Variants in PPP1R37 observed in about 807,000 individuals in gnomAD.
The protein encoded by PPP1R37 is protein phosphatase 1 regulatory subunit 37.
In PPP1R37, 21 loss-of-function variants were observed where a neutral mutation model predicts 61.0. The ratio of observed to expected loss-of-function variants is 0.34; its 90% CI spans 0.24 to 0.50. The LOEUF (loss-of-function observed/expected upper bound fraction) is 0.50, where lower values mean the gene tolerates loss of function less well. Among genes scored for constraint, PPP1R37 ranks in the 20% least tolerant of loss-of-function variants. The pLI is 0.98. For missense variants in PPP1R37, 910 were observed against 952.7 expected (o/e 0.96, Z 0.59); for synonymous variants, 443 against 433.5 (o/e 1.02, Z -0.27).
intron 2 of PPP1R37, among the ~76,000 whole-genome samples, chr19:45,138,888 T>C (rs1968571720): frequency 6.7e-6 from 1 of 149,364 alleles, no homozygotes; most frequent in Admixed American, 6.7e-5. Flanking sequence ...GAGTCTGAAT[T>C]ACAAAATTTA....
chr19:45,128,430 C>G, intron 1 of PPP1R37: 1 of 506,820 alleles, frequency 2.0e-6, no homozygotes, highest in Non-Finnish European at 3.5e-6. Flanking sequence ...GTGATGCCTG[C>G]AGCTGTGTGT....
chr19:45,144,824 C>T (rs1968663190), intron 8 of PPP1R37, 30 bp from the exon 9 acceptor site: 20 of 1,507,958 alleles, frequency 1.3e-5, no homozygotes, highest in Admixed American at 6.1e-5. Flanking sequence ...ATCACGGCCT[C>T]CTCCTCACCC....
chr19:45,094,687 C>T (rs983452383), intron 1 of PPP1R37, among the ~76,000 whole-genome samples: 1 of 150,452 alleles, frequency 6.6e-6, no homozygotes, highest in African/African-American at 2.5e-5. Flanking sequence ...AAGATCACGA[C>T]ATTGTACTCC....
In PPP1R37 at chr19:45,144,956, C is replaced by T. The variant is rs1053378272; in HGVS notation, c.1090C>T (p.Leu364=). The T allele has an allele frequency of 6.5e-7, 1 of 1,535,436 alleles. No individual in the cohort carries two copies. Among genetic ancestry groups the T allele is most frequent in the Non-Finnish European group, 8.7e-7 (1 of 1,146,646 alleles). The change falls in exon 9 of 13, where the codon CTG becomes TTG. Residue 364 remains leucine (L), a synonymous_variant. Coordinates refer to ENST00000221462, the MANE Select transcript of PPP1R37 (RefSeq NM_019121.2). ...KNGLISNRSV[L]RLGLASTKLT... The stretch of plus-strand genomic sequence containing the variant: ...CGGGCTCATCAGCAACCGCAGCGTG[C>T]TGCGCCTCGGGCTGGCCTCCACCAA...
chr19:45,111,281 TTA>T (rs1356880337), intron 1 of PPP1R37, among the ~76,000 whole-genome samples: 3 of 151,452 alleles, frequency 2.0e-5, no homozygotes, highest in South Asian at 4.2e-4. Flanking sequence ...ATTATTATTA[TTA>T]TTTTTAATTG....
chr19:45,126,290 G>A (rs952809259), intron 1 of PPP1R37, among the ~76,000 whole-genome samples: 1 of 152,230 alleles, frequency 6.6e-6, no homozygotes, highest in African/African-American at 2.4e-5. Context: ...ATACGGTTCT[G>A]GAGGGCAGGG....
chr19:45,121,786 A>G lies in PPP1R37; in HGVS notation c.203-16728A>G, dbSNP rs1380373353. On this transcript the variant is annotated intron_variant, in intron 1 of 12. Coordinates refer to ENST00000221462, the MANE Select transcript of PPP1R37 (RefSeq NM_019121.2). The surrounding 1 kb of genome is among the most constrained non-coding windows in gnomAD (Gnocchi z 4.2). ...AGAAATCTGGGTTTGACTACATATC[A>G]GGCTGCCCTGGGGCCCCTTTCAGTA... Among the ~76,000 whole-genome samples, 1 of 152,216 alleles carries G rather than the reference A, an allele frequency of 6.6e-6. No homozygotes were observed. The highest frequency in any genetic ancestry group is 1.9e-4 in the East Asian group (1 of 5,194).
chr19:45,128,903 C>T, intron 1 of PPP1R37: 4 of 691,056 alleles, frequency 5.8e-6, no homozygotes, highest in Non-Finnish European at 1.1e-5. Context: ...AGAGGACCTT[C>T]TTCGTCTGCC....
rs1967950412 is a variant in PPP1R37 at position 45,093,510 on chromosome 19, A to G, written c.185A>G (p.Lys62Arg). The stretch of plus-strand genomic sequence containing the variant: ...ATCGTGTCTGGAGCAGTGGAGCCCA[A>G]AGACCCCTGGAGACATGGTAGCTAC... ...EDIVSGAVEPKDPWRHAQNVT... is the reference protein window; with the variant it reads ...EDIVSGAVEPRDPWRHAQNVT... Residue 62 changes from lysine to arginine, a missense_variant, in exon 1 of 13, where the codon AAA (lysine) becomes AGA (arginine). This residue lies in a region of PPP1R37 where 280 missense variants were observed against 382.2 expected (regional missense o/e 0.73). Coordinates refer to ENST00000221462, the MANE Select transcript of PPP1R37 (RefSeq NM_019121.2). 3.3e-6 allele frequency: 5 copies of G among 1,534,910 alleles called. No homozygotes were observed. The highest frequency in any genetic ancestry group is 4.4e-6 in the Non-Finnish European group (5 of 1,146,468).
At position 45,145,013 on chromosome 19, in the gene PPP1R37, G is replaced by C; in HGVS notation, c.1129+18G>C. ...GTGCGAGGGTAGGGTACGGGGCCGG[G>C]CCAGGGTGCGGGCTGGTGGGCTCAG... is the stretch of plus-strand genomic sequence containing the variant. On this transcript the variant is annotated intron_variant, in intron 9 of 12. Coordinates refer to ENST00000221462, the MANE Select transcript of PPP1R37 (RefSeq NM_019121.2). 6.5e-7 allele frequency: 1 copy of C among 1,530,134 alleles called. No homozygotes were observed. Among genetic ancestry groups the C allele is most frequent in the Non-Finnish European group, 8.7e-7 (1 of 1,144,016 alleles). 94.8% of individuals were successfully genotyped at this position (1,530,134 alleles called of 1,614,324 possible). A position where few individuals can be genotyped will look rare whatever the true frequency, so the allele number is the denominator to read the frequency against.
At position 45,112,798 on chromosome 19, in the gene PPP1R37, C is replaced by A. The variant is rs531777531; in HGVS notation, c.202+19271C>A. 7.2e-5 allele frequency among the ~76,000 whole-genome samples: 11 copies of A among 152,268 alleles called. No individual in the cohort carries two copies. In the East Asian group the frequency reaches 7.7e-4, roughly 11 times the overall value. On this transcript the variant is annotated intron_variant, in intron 1 of 12. Coordinates refer to ENST00000221462, the MANE Select transcript of PPP1R37 (RefSeq NM_019121.2). ...GTCTTGGACGCTGTTTCCAGCATGA[C>A]CCTGCCCGGGGCACAGAGCAGGTGC... is the stretch of plus-strand genomic sequence containing the variant.
chr19:45,143,318 G>A (rs1968638349), intron 7 of PPP1R37: 5 of 530,028 alleles, frequency 9.4e-6, no homozygotes, highest in Non-Finnish European at 1.4e-5. Flanking sequence ...GCATCTGGTG[G>A]AGGCTGTCAT....
At chr19:45,106,131 CAG>C (rs368257062) in intron 1 of PPP1R37, among the ~76,000 whole-genome samples, 201 of 152,342 alleles carry the variant, frequency 1.3e-3, no homozygotes, top group African/African-American at 4.5e-3. Flanking sequence ...TTCCTCATCT[CAG>C]GGGTAGAGGG....
chr19:45,110,014 G>A (rs930999522), intron 1 of PPP1R37, among the ~76,000 whole-genome samples: 2 of 152,146 alleles, frequency 1.3e-5, no homozygotes, highest in African/African-American at 4.8e-5. Context: ...GAGATGGGAT[G>A]TCTGGCTTTT....
chr19:45,098,895 T>C (rs1004151187), intron 1 of PPP1R37, among the ~76,000 whole-genome samples: 6 of 152,044 alleles, frequency 3.9e-5, no homozygotes, highest in African/African-American at 9.7e-5. Flanking sequence ...TGGGCCCAGC[T>C]CCACCTCCTG....
At chr19:45,126,522 G>A (rs949575166) in intron 1 of PPP1R37, among the ~76,000 whole-genome samples, 2 of 152,138 alleles carry the variant, frequency 1.3e-5, no homozygotes, top group African/African-American at 2.4e-5. Flanking sequence ...ATTTATTGTC[G>A]TGAACAAGAG....
At position 45,127,365 on chromosome 19, in the gene PPP1R37, A is replaced by C. The variant is rs190706929; in HGVS notation, c.203-11149A>C. 4.4e-3 allele frequency among the ~76,000 whole-genome samples: 674 copies of C among 151,556 alleles called. 29 individuals carry two copies. The highest frequency in any genetic ancestry group is 0.041 in the Admixed American group (615 of 15,144). On this transcript the variant is annotated intron_variant, in intron 1 of 12. Coordinates refer to ENST00000221462, the MANE Select transcript of PPP1R37 (RefSeq NM_019121.2). ...AAAACTCCATCTCAAAAAAAAAAAA[A>C]AAAAAAAAAAACCCTAGGTGGCATG... is the stretch of plus-strand genomic sequence containing the variant.
Position 45,145,707 on chromosome 19 carries a change from A to T in PPP1R37, c.1651A>T (p.Thr551Ser). ...GDRSPPGSPSTPTEQRISVSS... is the reference protein window; with the variant it reads ...GDRSPPGSPSSPTEQRISVSS... ...CAGGAGTCCCCCAGGCAGCCCCTCC[A>T]CACCCACCGAGCAGCGGATTTCCGT... Residue 551 changes from threonine to serine, a missense_variant, in exon 11 of 13, where the codon ACA (threonine) becomes TCA (serine). Physicochemically the swap from Thr to Ser is moderately conservative, Grantham distance 58. This residue lies in a region of PPP1R37 where 549 missense variants were observed against 505.1 expected (regional missense o/e 1.09). Coordinates refer to ENST00000221462, the MANE Select transcript of PPP1R37 (RefSeq NM_019121.2). 6.5e-7 allele frequency: 1 copy of T among 1,533,088 alleles called. No homozygotes were observed. Among genetic ancestry groups the T allele is most frequent in the Non-Finnish European group, 8.7e-7 (1 of 1,145,756 alleles). 95.0% of individuals were successfully genotyped at this position (1,533,088 alleles called of 1,614,324 possible).
intron 1 of PPP1R37, among the ~76,000 whole-genome samples, chr19:45,106,260 A>G (rs1258533818): frequency 6.6e-6 from 1 of 150,952 alleles, no homozygotes; most frequent in Non-Finnish European, 1.5e-5. Context: ...TTTTTTTTTG[A>G]GATGGAGTTT....
Sources: allele counts gnomAD v4.1 joint callset (sites outside exome capture counted in the v4.1 genomes callset), GRCh38; gene constraint gnomAD v4.1.1; regional missense constraint gnomAD v4.1.1; non-coding constraint Gnocchi (gnomAD v3.1); transcripts MANE v1.5; gene names NCBI Gene and HGNC (gene_info 2026-07-23, HGNC 2026-07-21).